The following CAMK1D variants were observed in gnomAD, a reference collection of about 807,000 sequenced individuals.
CAMK1D encodes calcium/calmodulin dependent protein kinase ID, also known as calcium/calmodulin-dependent protein kinase type 1D.
CAMK1D carries 9 observed loss-of-function variants against 47.7 expected under a neutral mutation model. That is an observed-to-expected ratio of 0.19 (90% CI 0.11 to 0.33). The LOEUF (loss-of-function observed/expected upper bound fraction) is 0.33. Ranked by LOEUF, CAMK1D falls within the 10% of genes least tolerant of loss-of-function variation. The pLI is 1.00. For synonymous variants in CAMK1D, 184 were observed against 184.9 expected, an observed-to-expected ratio of 0.99 and a Z score of 0.04; for missense variants, 291 against 488.7, an observed-to-expected ratio of 0.60 and a Z score of 3.81.
At chr10:12,392,672 A>G (rs1273588312) in intron 1 of CAMK1D, among the ~76,000 whole-genome samples, 1 of 152,132 alleles carries the variant, frequency 6.6e-6, no homozygotes, top group Non-Finnish European at 1.5e-5. Flanking sequence ...CTTAAAATCT[A>G]CTGTCTTAGC....
chr10:12,816,348 C>T lies in CAMK1D; in HGVS notation c.833+20C>T, dbSNP rs1195618860. 1 of 1,606,882 alleles carries T rather than the reference C, an allele frequency of 6.2e-7. No individual in the cohort carries two copies. Among genetic ancestry groups the T allele is most frequent in the South Asian group, 1.1e-5 (1 of 90,294 alleles). ...CCCATGGTAAGGAAATGCACCCGCT[C>T]AGCAGACCGTGCCATTTAATGCCAT... On this transcript the variant is annotated intron_variant, in intron 8 of 10. Coordinates refer to ENST00000619168, the MANE Select transcript of CAMK1D (RefSeq NM_153498.4).
At chr10:12,795,222 AC>A (rs1838145083) in intron 6 of CAMK1D, among the ~76,000 whole-genome samples, 1 of 152,134 alleles carries the variant, frequency 6.6e-6, no homozygotes, top group Non-Finnish European at 1.5e-5. Flanking sequence ...GGAGGCAAGG[AC>A]CAGAGCAGGG....
intron 6 of CAMK1D, among the ~76,000 whole-genome samples, chr10:12,803,929 C>T (rs867933909): frequency 6.6e-6 from 1 of 152,138 alleles, no homozygotes; most frequent in African/African-American, 2.4e-5. Flanking sequence ...AGGCTGGGAG[C>T]GGGAGGCGCC....
At chr10:12,810,538 G>T (rs952346029) in intron 6 of CAMK1D, among the ~76,000 whole-genome samples, 1 of 152,188 alleles carries the variant, frequency 6.6e-6, no homozygotes, top group African/African-American at 2.4e-5. Context: ...GCCTCCCAAA[G>T]TGTTGGGATT....
At chr10:12,503,045 T>C (rs1337867014) in intron 1 of CAMK1D, among the ~76,000 whole-genome samples, 1 of 152,226 alleles carries the variant, frequency 6.6e-6, no homozygotes, top group Non-Finnish European at 1.5e-5. Context: ...TGTGTGCATG[T>C]GTGTATACTT....
intron 2 of CAMK1D, among the ~76,000 whole-genome samples, chr10:12,614,568 T>C (rs1251929848): frequency 6.6e-6 from 1 of 152,226 alleles, no homozygotes; most frequent in Non-Finnish European, 1.5e-5. Context: ...GAATGGGCAA[T>C]TGAAATAATT....
At chr10:12,697,433 C>T (rs1345751208) in intron 3 of CAMK1D, among the ~76,000 whole-genome samples, 8 of 152,186 alleles carry the variant, frequency 5.3e-5, no homozygotes, top group Non-Finnish European at 1.5e-5. Flanking sequence ...GAGTCTCGCT[C>T]CGTCACCCAT....
chr10:12,423,707 A>T (rs1057290183), intron 1 of CAMK1D, among the ~76,000 whole-genome samples: 1 of 152,170 alleles, frequency 6.6e-6, no homozygotes, highest in Non-Finnish European at 1.5e-5. Flanking sequence ...GCTTGAAACG[A>T]TAGTTTTGAA....
rs869125453 is a variant in CAMK1D, at chr10:12,757,852, C to CTTTTT, written c.300-3077_300-3073dup. Among the ~76,000 whole-genome samples the CTTTTT allele has an allele frequency of 7.3e-4, 67 of 91,440 alleles. 1 individual carries two copies. Among genetic ancestry groups the CTTTTT allele is most frequent in the African/African-American group, 2.4e-3 (55 of 22,976 alleles). 60.0% of individuals were successfully genotyped at this position (91,440 alleles called of 152,430 possible). On this transcript the variant is annotated intron_variant, in intron 3 of 10. Coordinates refer to ENST00000619168, the MANE Select transcript of CAMK1D (RefSeq NM_153498.4). The stretch of plus-strand genomic sequence containing the variant: ...CTGATCCCAGCATGGGGGCCCTGCT[C>CTTTTT]TTTTTTTTTTTTTTTTTTTTTTTGA...
chr10:12,492,439 C>G (rs1240666487), intron 1 of CAMK1D, among the ~76,000 whole-genome samples: 13 of 151,476 alleles, frequency 8.6e-5, no homozygotes. Context: ...GGGAGGATCG[C>G]TTGAGCCCAG....
intron 1 of CAMK1D, among the ~76,000 whole-genome samples, chr10:12,354,433 T>TC (rs1271477564): frequency 6.8e-6 from 1 of 146,604 alleles, no homozygotes; most frequent in Non-Finnish European, 1.5e-5. Context: ...TTTCTTTTCT[T>TC]TTTTTTTTTT....
intron 1 of CAMK1D, among the ~76,000 whole-genome samples, chr10:12,386,965 G>A (rs1838514566): frequency 6.6e-6 from 1 of 152,140 alleles, no homozygotes; most frequent in African/African-American, 2.4e-5. Context: ...ACTTTGGGAA[G>A]CTGAGGCGGG....
chr10:12,724,597 C>T (rs1335460434), intron 3 of CAMK1D, among the ~76,000 whole-genome samples: 2 of 152,196 alleles, frequency 1.3e-5, no homozygotes, highest in African/African-American at 4.8e-5. Context: ...GAATACATCC[C>T]AGTTGTCCTA....
At chr10:12,390,804 A>G (rs997800706) in intron 1 of CAMK1D, among the ~76,000 whole-genome samples, 1 of 152,080 alleles carries the variant, frequency 6.6e-6, no homozygotes, top group Non-Finnish European at 1.5e-5. Flanking sequence ...TGAGCGAGTC[A>G]CCTATCCAAG....
chr10:12,563,712 A>AGG (rs1474312815), intron 2 of CAMK1D, among the ~76,000 whole-genome samples: 3 of 147,392 alleles, frequency 2.0e-5, no homozygotes, highest in Non-Finnish European at 1.5e-5. Context: ...AGAGAGAGGG[A>AGG]GAGAGAGAAT....
chr10:12,578,049 G>A (rs989149328), intron 2 of CAMK1D, among the ~76,000 whole-genome samples: 7 of 152,132 alleles, frequency 4.6e-5, no homozygotes, highest in African/African-American at 1.7e-4. Context: ...AACTCTGCAC[G>A]GAAGGTATTG....
At chr10:12,674,578 A>G (rs191408188) in intron 3 of CAMK1D, among the ~76,000 whole-genome samples, 183 of 41,852 alleles carry the variant, frequency 4.4e-3, no homozygotes, top group African/African-American at 0.015. Context: ...TTTAAATTTT[A>G]TTTGGGTTTT....
At chr10:12,611,680 C>G (rs185005933) in intron 2 of CAMK1D, among the ~76,000 whole-genome samples, 34 of 147,228 alleles carry the variant, frequency 2.3e-4, no homozygotes, top group Non-Finnish European at 4.3e-4. Context: ...CAACCTCCCC[C>G]TCCCGGGTTC....
intron 1 of CAMK1D, among the ~76,000 whole-genome samples, chr10:12,433,015 A>G (rs1832533123): frequency 1.3e-5 from 2 of 152,220 alleles, no homozygotes; most frequent in Non-Finnish European, 2.9e-5. Context: ...GGATCATGGA[A>G]AAGAACCACA....
Sources: allele counts gnomAD v4.1 joint callset (sites outside exome capture counted in the v4.1 genomes callset), GRCh38; gene constraint gnomAD v4.1.1; transcripts MANE v1.5; gene names NCBI Gene and HGNC (gene_info 2026-07-23, HGNC 2026-07-21).